The following ZNF718 variants were observed in gnomAD, a reference collection of about 807,000 sequenced individuals.
ZNF718 encodes zinc finger protein 718.
Under a neutral mutation model 2.6 loss-of-function variants are expected in ZNF718, and 3 were observed. The ratio of observed to expected loss-of-function variants is 1.16; its 90% CI spans 0.53 to 3.01. The LOEUF (loss-of-function observed/expected upper bound fraction) is 3.01. Ranked by LOEUF, ZNF718 falls within the 30% of genes most tolerant of loss-of-function variation. The pLI is 0.03. For synonymous variants in ZNF718, 135 were observed against 77.9 expected, an observed-to-expected ratio of 1.73 and a Z score of -3.86; for missense variants, 468 against 230.0, an observed-to-expected ratio of 2.03 and a Z score of -6.69.
In ZNF718 at chr4:161,419, A is replaced by G. The variant is rs782247105; in HGVS notation, c.734A>G (p.His245Arg). Residue 245 changes from histidine to arginine, a missense_variant, in exon 4 of 4, where the codon CAT (histidine) becomes CGT (arginine). Physicochemically the swap from His to Arg is conservative, Grantham distance 29. Transcript: ENST00000510175. The part of the protein sequence containing the change: ...GFTRSSHLTK[H>R]KRIHTGEKPY... ...ACTCGGTCCTCACACCTTACTAAACATAAGAGAATTCATACTGGAGAGAAA... is the reference window on the plus strand; with the variant it reads ...ACTCGGTCCTCACACCTTACTAAACGTAAGAGAATTCATACTGGAGAGAAA... The G allele has an allele frequency of 2.6e-6, 2 of 780,574 alleles. No individual in the cohort carries two copies. The highest frequency in any genetic ancestry group is 2.3e-4 in the Middle Eastern group (1 of 4,432). The allele number at this position is 780,574 out of a possible 1,614,324, so 48.4% of individuals were successfully genotyped here.
chr4:149,556 A>G (rs1444841658), intron 3 of ZNF718, among the ~76,000 whole-genome samples: 1 of 152,150 alleles, frequency 6.6e-6, no homozygotes, highest in African/African-American at 2.4e-5. Flanking sequence ...ACCTTTAATG[A>G]TCAAGTGGTG....
chr4:189,723 A>G (rs926827260), intron 3 of ZNF718, among the ~76,000 whole-genome samples: 2 of 152,188 alleles, frequency 1.3e-5, no homozygotes, highest in Admixed American at 1.3e-4. Context: ...AAAGTCTGCA[A>G]TTATCCACCA....
chr4:140,066 G>A (rs115445459), intron 3 of ZNF718, among the ~76,000 whole-genome samples: 448 of 151,920 alleles, frequency 2.9e-3, no homozygotes, highest in African/African-American at 0.01. Context: ...TATGTGTGGC[G>A]CAGTTCAGAG....
intron 3 of ZNF718, among the ~76,000 whole-genome samples, chr4:144,827 A>C (rs1389926040): frequency 6.6e-6 from 1 of 152,182 alleles, no homozygotes; most frequent in East Asian, 1.9e-4. Context: ...GGCATGTAGA[A>C]ACACTAATTT....
intron 3 of ZNF718, among the ~76,000 whole-genome samples, chr4:191,388 G>T (rs1221587329): frequency 5.9e-5 from 9 of 151,936 alleles, no homozygotes; most frequent in Non-Finnish European, 2.9e-5. Flanking sequence ...CTGACCTTAG[G>T]TGATCCACCT....
At position 161,991 on chromosome 4, in the gene ZNF718, TCA is replaced by T. The variant is rs782473972; in HGVS notation, c.1310_1311del (p.His437LeufsTer3). Reference protein sequence around the residue: ...KQCGKAFKQSSHLNKHKKIHT... With the variant: ...KQCGKAFKQSXHLNKHKKIHT... ...ATGTGGCAAAGCCTTTAAACAGTCC[TCA>T]CACTTGAATAAACATAAGAAAATTC... On this transcript the variant is annotated frameshift_variant, in exon 4 of 4. Coordinates refer to ENST00000510175, the MANE Select transcript of ZNF718 (RefSeq NM_001039127.6). LOFTEE classifies it low-confidence loss of function (END_TRUNC). 8 of 779,626 alleles carry T rather than the reference TCA, an allele frequency of 1.0e-5. No individual in the cohort carries two copies. The highest frequency in any genetic ancestry group is 3.4e-5 in the Admixed American group (2 of 58,780). 48.3% of individuals were successfully genotyped at this position (779,626 alleles called of 1,614,324 possible). A position where few individuals can be genotyped will look rare whatever the true frequency, so the allele number is the denominator to read the frequency against.
rs782815558 is a variant in ZNF718 at position 161,000 on chromosome 4, A to G, written c.315A>G (p.Lys105=). ...FHKLIPKGHE[K]RGHENLRKTC... ...AACTTATACCAAAAGGACATGAGAA[A>G]CGTGGACATGAGAATTTAAGAAAAA... The change falls in exon 4 of 4, where the codon AAA becomes AAG. Residue 105 remains lysine (K), a synonymous_variant. Coordinates refer to ENST00000510175, the MANE Select transcript of ZNF718 (RefSeq NM_001039127.6). The G allele has an allele frequency of 1.0e-5, 8 of 780,912 alleles. No homozygotes were observed. The highest frequency in any genetic ancestry group is 6.8e-5 in the Admixed American group (4 of 59,008). 48.4% of individuals were successfully genotyped at this position (780,912 alleles called of 1,614,324 possible). A position where few individuals can be genotyped will look rare whatever the true frequency, so the allele number is the denominator to read the frequency against.
At chr4:174,540 G>A (rs910514477) in intron 3 of ZNF718, among the ~76,000 whole-genome samples, 5 of 152,082 alleles carry the variant, frequency 3.3e-5, no homozygotes, top group African/African-American at 7.2e-5. Context: ...TATCCATCTC[G>A]TGTCTGTAAT....
In ZNF718 at chr4:161,509, G is replaced by A; in HGVS notation, c.824G>A (p.Arg275Lys). Reference sequence around the variant, plus strand: ...TCCTCAACCCTTAATTTACATAAGAGAATTCATTCTGCACAAAAATACTAC... The same window carrying A: ...TCCTCAACCCTTAATTTACATAAGAAAATTCATTCTGCACAAAAATACTAC... ...NQSSTLNLHK[R>K]IHSAQKYYKC... Residue 275 changes from arginine to lysine, a missense_variant, in exon 4 of 4, where the codon AGA becomes AAA. Coordinates refer to ENST00000510175, the MANE Select transcript of ZNF718 (RefSeq NM_001039127.6). 1.3e-6 allele frequency: 1 copy of A among 780,748 alleles called. No individual in the cohort carries two copies. The highest frequency in any genetic ancestry group is 2.4e-6 in the Non-Finnish European group (1 of 417,930). 48.4% of individuals were successfully genotyped at this position (780,748 alleles called of 1,614,324 possible).
At chr4:167,283 A>G (rs1012414633), downstream of ZNF718, among the ~76,000 whole-genome samples, 12 of 152,088 alleles carry the variant, frequency 7.9e-5, no homozygotes, top group African/African-American at 2.9e-4. Context: ...GCCAGGTAGT[A>G]TGATGCCCCC....
chr4:126,980 C>A (rs1326043359), intron 1 of ZNF718, among the ~76,000 whole-genome samples: 1 of 152,136 alleles, frequency 6.6e-6, no homozygotes, highest in African/African-American at 2.4e-5. Flanking sequence ...CGCGCCACCA[C>A]ACTCAGCTAA....
exon 5 of ZNF718, chr4:201,660 C>G (rs1344178160): frequency 4.4e-5 from 8 of 180,932 alleles, no homozygotes; most frequent in Non-Finnish European, 9.9e-5. Context: ...AATGCTTTAT[C>G]AGGGCAATTG....
At chr4:170,901 C>G (rs975106458) in intron 3 of ZNF718, among the ~76,000 whole-genome samples, 6 of 152,240 alleles carry the variant, frequency 3.9e-5, no homozygotes, top group Non-Finnish European at 5.9e-5. Context: ...GAGCTGCGTT[C>G]CTTTGGAGGG....
At chr4:171,176 C>T (rs1553817883) in intron 3 of ZNF718, among the ~76,000 whole-genome samples, 1 of 152,168 alleles carries the variant, frequency 6.6e-6, no homozygotes, top group African/African-American at 2.4e-5. Context: ...TGGTGAACAG[C>T]AGATGTTGCT....
intron 3 of ZNF718, among the ~76,000 whole-genome samples, chr4:198,818 T>C (rs1553822385): frequency 6.6e-6 from 1 of 152,204 alleles, no homozygotes. Flanking sequence ...CATGTGCCCA[T>C]CTGGGGTTCA....
intron 3 of ZNF718, among the ~76,000 whole-genome samples, chr4:196,504 G>A (rs1717795171): frequency 2.0e-5 from 3 of 152,194 alleles, no homozygotes; most frequent in Non-Finnish European, 4.4e-5. Flanking sequence ...AATAGATACA[G>A]AGGTAAGGAG....
chr4:124,910 G>C (rs1381698146), intron 1 of ZNF718: 2 of 482,242 alleles, frequency 4.1e-6, no homozygotes, highest in Non-Finnish European at 7.4e-6. Flanking sequence ...GCTGTGGAGT[G>C]AGTAGGAGCT....
At chr4:175,181 A>G (rs890641849) in intron 3 of ZNF718, among the ~76,000 whole-genome samples, 6 of 152,206 alleles carry the variant, frequency 3.9e-5, no homozygotes, top group African/African-American at 1.2e-4. Flanking sequence ...TTGCCTGCCT[A>G]AGTGACACTT....
chr4:159,562 G>A (rs1245085548), intron 3 of ZNF718, among the ~76,000 whole-genome samples: 2 of 152,048 alleles, frequency 1.3e-5, no homozygotes, highest in Non-Finnish European at 2.9e-5. Flanking sequence ...GAAGCTTGTG[G>A]AGCATCTTCA....
Sources: allele counts gnomAD v4.1 joint callset (sites outside exome capture counted in the v4.1 genomes callset), GRCh38; gene constraint gnomAD v4.1.1; transcripts MANE v1.5; gene names NCBI Gene and HGNC (gene_info 2026-07-23, HGNC 2026-07-21).